The following GABBR2 variants were observed in gnomAD, a reference collection of about 807,000 sequenced individuals.
The protein encoded by GABBR2 is G-protein coupled receptor 51.
GABBR2 carries 23 observed loss-of-function variants against 105.6 expected under a neutral mutation model. That is an observed-to-expected ratio of 0.22 (90% CI 0.16 to 0.31). The LOEUF is 0.31. Ranked by LOEUF, GABBR2 falls within the 10% of genes least tolerant of loss-of-function variation. The pLI, the probability that GABBR2 is intolerant of heterozygous loss-of-function variation, is 1.00. For synonymous variants in GABBR2, 478 were observed against 499.7 expected, an observed-to-expected ratio of 0.96 and a Z score of 0.58; for missense variants, 734 against 1,245.5, an observed-to-expected ratio of 0.59 and a Z score of 6.18.
chr9:98,554,265 G>A (rs1387806701), intron 2 of GABBR2, among the ~76,000 whole-genome samples: 1 of 152,104 alleles, frequency 6.6e-6, no homozygotes, highest in Non-Finnish European at 1.5e-5. Context: ...GGAGGCTGAG[G>A]TAAGAGGACC....
chr9:98,676,417 A>G (rs536523961), intron 1 of GABBR2, among the ~76,000 whole-genome samples: 155 of 152,244 alleles, frequency 1.0e-3, no homozygotes, highest in Non-Finnish European at 1.2e-3. Flanking sequence ...TATAGCACCA[A>G]TAGAAAACTA....
intron 7 of GABBR2, among the ~76,000 whole-genome samples, chr9:98,416,134 A>G (rs1163485659): frequency 6.6e-6 from 1 of 152,200 alleles, no homozygotes; most frequent in Non-Finnish European, 1.5e-5. Flanking sequence ...CAAGCTATCA[A>G]TGATTTAACA....
chr9:98,458,535 C>G (rs895852221), intron 6 of GABBR2, among the ~76,000 whole-genome samples: 6 of 152,186 alleles, frequency 3.9e-5, no homozygotes, highest in Non-Finnish European at 8.8e-5. Context: ...AAAACCCCAT[C>G]TCTACTAAAA....
intron 7 of GABBR2, among the ~76,000 whole-genome samples, chr9:98,426,591 C>A (rs1361413852): frequency 6.6e-6 from 1 of 152,188 alleles, no homozygotes; most frequent in African/African-American, 2.4e-5. Context: ...TCCCTTTTGG[C>A]TCAACTCCCC....
chr9:98,453,455 T>A (rs1306756748), intron 7 of GABBR2, among the ~76,000 whole-genome samples: 2 of 152,248 alleles, frequency 1.3e-5, no homozygotes, highest in East Asian at 3.8e-4. Flanking sequence ...GACAGAAAGA[T>A]GGTCACCAAA....
At chr9:98,413,409 G>A (rs564759352) in intron 7 of GABBR2, among the ~76,000 whole-genome samples, 12 of 152,194 alleles carry the variant, frequency 7.9e-5, no homozygotes, top group African/African-American at 2.9e-4. Context: ...AAAAATAATT[G>A]AGTATATCCA....
chr9:98,610,206 G>A (rs990263169), intron 1 of GABBR2, among the ~76,000 whole-genome samples: 1 of 152,224 alleles, frequency 6.6e-6, no homozygotes, highest in Non-Finnish European at 1.5e-5. Flanking sequence ...TCCTGGTGGC[G>A]TGACAGTGGG....
At chr9:98,521,033 C>A (rs1272380409) in intron 3 of GABBR2, among the ~76,000 whole-genome samples, 1 of 152,080 alleles carries the variant, frequency 6.6e-6, no homozygotes, top group Non-Finnish European at 1.5e-5. Context: ...TGTCTATATA[C>A]CAAAGTACAA....
chr9:98,497,414 T>C (rs1425861558), intron 3 of GABBR2, among the ~76,000 whole-genome samples: 1 of 144,596 alleles, frequency 6.9e-6, no homozygotes, highest in East Asian at 2.0e-4. Context: ...TAAATGTTGA[T>C]ACTATTTTGA....
chr9:98,463,029 C>T (rs2225581), intron 6 of GABBR2, among the ~76,000 whole-genome samples: 68,469 of 151,972 alleles, frequency 0.45, 16,070 homozygotes, highest in Middle Eastern at 0.53. Context: ...GCTGAGACTA[C>T]AGGCATGTGC....
chr9:98,571,877 TCTC>T (rs1237187054), intron 2 of GABBR2, among the ~76,000 whole-genome samples: 1 of 152,044 alleles, frequency 6.6e-6, no homozygotes, highest in Non-Finnish European at 1.5e-5. Flanking sequence ...GGCTCCTGCT[TCTC>T]CCCACTTGCA....
chr9:98,377,404 A>G (rs1272755626), intron 11 of GABBR2, among the ~76,000 whole-genome samples: 4 of 152,158 alleles, frequency 2.6e-5, no homozygotes, highest in Non-Finnish European at 5.9e-5. Flanking sequence ...GACTTCCAGA[A>G]ATAACTGGAG....
At chr9:98,433,690 C>G (rs114798044) in intron 7 of GABBR2, among the ~76,000 whole-genome samples, 2 of 152,296 alleles carry the variant, frequency 1.3e-5, no homozygotes, top group African/African-American at 4.8e-5. Flanking sequence ...CTACTTCAAC[C>G]TTTCTTTCCT....
intron 2 of GABBR2, among the ~76,000 whole-genome samples, chr9:98,546,161 C>A (rs1320233414): frequency 2.0e-5 from 3 of 152,110 alleles, no homozygotes; most frequent in Non-Finnish European, 4.4e-5. Flanking sequence ...AACTTCTGTA[C>A]AAGTTCCATG....
rs1334343703 is a variant in GABBR2, at chr9:98,637,716, G to A, written c.322-59644C>T. Among the ~76,000 whole-genome samples the A allele has an allele frequency of 2.0e-5, 3 of 152,072 alleles. No individual in the cohort carries two copies. The South Asian group carries it at 6.2e-4, about 32-fold the overall frequency. On this transcript the variant is annotated intron_variant, in intron 1 of 18. Transcript: ENST00000259455. ...TAGGCAGCTTCTAGAAGCTGGAAAAGGCAAGAAAAAAGATTGTCCCCTAAA... is the reference window on the plus strand; with the variant it reads ...TAGGCAGCTTCTAGAAGCTGGAAAAAGCAAGAAAAAAGATTGTCCCCTAAA...
chr9:98,299,928 T>C (rs1376276632), intron 16 of GABBR2, among the ~76,000 whole-genome samples: 1 of 152,090 alleles, frequency 6.6e-6, no homozygotes, highest in African/African-American at 2.4e-5. Flanking sequence ...AGTGGTGCAA[T>C]TATAGCTTAC....
intron 17 of GABBR2, 131 bp downstream of exon 17, chr9:98,299,093 C>CTG (rs935611975): frequency 3.1e-5 from 24 of 781,238 alleles, no homozygotes; most frequent in Non-Finnish European, 5.0e-5. Flanking sequence ...TGCTCCAGCT[C>CTG]TGTGTGTGTG....
At chr9:98,416,132 C>G (rs771569544) in intron 7 of GABBR2, among the ~76,000 whole-genome samples, 16 of 152,176 alleles carry the variant, frequency 1.1e-4, no homozygotes, top group Non-Finnish European at 2.1e-4. Context: ...TTCAAGCTAT[C>G]AATGATTTAA....
At chr9:98,565,080 G>A (rs1250978399) in intron 2 of GABBR2, among the ~76,000 whole-genome samples, 3 of 152,172 alleles carry the variant, frequency 2.0e-5, no homozygotes, top group Admixed American at 1.3e-4. Flanking sequence ...AGGACCAGAC[G>A]GGGAAGGCCA....
Sources: gnomAD v4.1 joint callset for allele counts (sites outside exome capture counted in the v4.1 genomes callset) on GRCh38, gnomAD v4.1.1 for gene constraint, MANE v1.5 for transcripts, NCBI Gene and HGNC (gene_info 2026-07-23, HGNC 2026-07-21) for gene names.